The following SIRPG variants were observed in gnomAD, a reference collection of about 807,000 sequenced individuals.
SIRPG encodes signal-regulatory protein gamma.
SIRPG carries 38 observed loss-of-function variants against 35.7 expected under a neutral mutation model. The ratio of observed to expected loss-of-function variants is 1.06; its 90% CI spans 0.82 to 1.40. The LOEUF (loss-of-function observed/expected upper bound fraction) is 1.40, where lower values mean the gene tolerates loss of function less well. Ranked by LOEUF, SIRPG falls within the 40% of genes most tolerant of loss-of-function variation. The pLI, the probability that SIRPG is intolerant of heterozygous loss-of-function variation, is 0.00. For missense variants in SIRPG, 519 were observed against 483.0 expected (o/e 1.07, Z -0.70); for synonymous variants, 215 against 190.4 (o/e 1.13, Z -1.06).
the SIRPG span, among the ~76,000 whole-genome samples, chr20:1,679,419 A>G: frequency 3.9e-5 from 6 of 152,108 alleles, no homozygotes; most frequent in Non-Finnish European, 8.8e-5. Flanking sequence ...CTCTGCTGTG[A>G]CCTAGTAGAG....
At chr20:1,668,552 G>A in the SIRPG span, among the ~76,000 whole-genome samples, 2 of 152,102 alleles carry the variant, frequency 1.3e-5, no homozygotes, top group Non-Finnish European at 2.9e-5. Flanking sequence ...AAAGTGTTGG[G>A]ATTACAGGCG....
the SIRPG span, among the ~76,000 whole-genome samples, chr20:1,678,141 G>C: frequency 6.6e-6 from 1 of 152,036 alleles, no homozygotes; most frequent in East Asian, 1.9e-4. Flanking sequence ...TTTTCTCATA[G>C]TTACGTCTTC....
At position 1,635,402 on chromosome 20, in the gene SIRPG, C is replaced by T; in HGVS notation, c.946G>A (p.Val316Met). 2 of 1,614,162 alleles carry T rather than the reference C, an allele frequency of 1.2e-6. No individual in the cohort carries two copies. Residue 316 changes from valine (V) to methionine (M), a missense_variant, in exon 4 of 6, where the codon GTG (valine) becomes ATG (methionine). Transcript: ENST00000303415. The stretch of plus-strand genomic sequence containing the variant: ...TCATCCCTTTGGTCAGATATGTTCA[C>T]CAGGAACCAGCTTGTCCAGTTGTAG... ...GTYNWTSWFL[V>M]NISDQRDDVV...
Position 1,651,249 on chromosome 20 carries a change from A to T in SIRPG, c.74-1841T>A, listed in dbSNP as rs1172821927. On this transcript the variant is annotated intron_variant, in intron 1 of 5. Coordinates refer to ENST00000303415, the MANE Select transcript of SIRPG (RefSeq NM_018556.4). ...CTGATACCTCCACATCCCACAAACA[A>T]GTTGTGAGCACCCTGCCAAACCAGG... The T allele has an allele frequency of 3.3e-5, 5 of 152,226 alleles. No individual in the cohort carries two copies. In the East Asian group the frequency reaches 9.6e-4, roughly 29 times the overall value. The allele number at this position is 152,226 out of a possible 1,614,324, so 9.4% of individuals were successfully genotyped here.
chr20:1,635,169 T>C, intron 4 of SIRPG, 98 bp downstream of exon 4: 1 of 995,782 alleles, frequency 1.0e-6, no homozygotes, highest in Non-Finnish European at 1.4e-6. Flanking sequence ...AAATTTTACT[T>C]TGTATTTATA....
intron 4 of SIRPG, among the ~76,000 whole-genome samples, chr20:1,634,101 T>C (rs2091771764): frequency 6.6e-6 from 1 of 152,082 alleles, no homozygotes; most frequent in Admixed American, 6.5e-5. Context: ...AATTTGCACT[T>C]AGTAAATTTG....
upstream of SIRPG, among the ~76,000 whole-genome samples, chr20:1,659,349 T>A (rs115769547): frequency 6.0e-3 from 908 of 152,344 alleles, 9 homozygotes; most frequent in African/African-American, 0.018. Context: ...AAGTCCTGTT[T>A]TAATGTGGCA....
chr20:1,649,564 A>G (rs2091924080), intron 1 of SIRPG, among the ~76,000 whole-genome samples, 156 bp from the exon 2 acceptor site: 1 of 151,524 alleles, frequency 6.6e-6, no homozygotes. Flanking sequence ...TAACCCTCAC[A>G]ACATGCCTAT....
intron 2 of SIRPG, among the ~76,000 whole-genome samples, chr20:1,642,826 G>A (rs552265143): frequency 1.3e-5 from 2 of 152,264 alleles, no homozygotes; most frequent in South Asian, 4.1e-4. Flanking sequence ...CTTCACATAT[G>A]AAGCTTAGTT....
At chr20:1,672,093 A>G in the SIRPG span, among the ~76,000 whole-genome samples, 1 of 152,234 alleles carries the variant, frequency 6.6e-6, no homozygotes, top group Non-Finnish European at 1.5e-5. Context: ...TGAGAGCTGG[A>G]ACCAGGCCGC....
chr20:1,651,367 C>T (rs550462526), intron 1 of SIRPG: 2 of 152,258 alleles, frequency 1.3e-5, no homozygotes, highest in Non-Finnish European at 2.9e-5. Flanking sequence ...CTAGTAAAAC[C>T]CATCATGCTT....
chr20:1,668,321 C>A, the SIRPG span, among the ~76,000 whole-genome samples: 4 of 149,852 alleles, frequency 2.7e-5, no homozygotes, highest in Non-Finnish European at 5.9e-5. Flanking sequence ...CTTGCTCTGT[C>A]GCCCAGGCTG....
chr20:1,636,586 C>A, intron 2 of SIRPG, 81 bp from the exon 3 acceptor site: 1 of 1,369,934 alleles, frequency 7.3e-7, no homozygotes, highest in Non-Finnish European at 1.0e-6. Flanking sequence ...TGTTAAGAAC[C>A]TTCAGATACA....
chr20:1,675,083 C>T, the SIRPG span, among the ~76,000 whole-genome samples: 13 of 152,276 alleles, frequency 8.5e-5, no homozygotes, highest in Middle Eastern at 3.4e-3. Context: ...CCTGGGTGCC[C>T]GGGCCCAGAT....
upstream of SIRPG, among the ~76,000 whole-genome samples, chr20:1,662,589 A>T (rs2091999024): frequency 6.6e-6 from 1 of 152,246 alleles, no homozygotes; most frequent in South Asian, 2.1e-4. Context: ...TTTGAATTAC[A>T]GTATACTAAA....
chr20:1,678,735 C>A, the SIRPG span, among the ~76,000 whole-genome samples: 1 of 152,060 alleles, frequency 6.6e-6, no homozygotes, highest in South Asian at 2.1e-4. Flanking sequence ...GCCAAGGAAA[C>A]CCAAATTTAA....
At chr20:1,658,147 A>T (rs2091985775), upstream of SIRPG, among the ~76,000 whole-genome samples, 1 of 152,202 alleles carries the variant, frequency 6.6e-6, no homozygotes, top group Non-Finnish European at 1.5e-5. Flanking sequence ...AGCCTCAACC[A>T]AATGCCACTC....
At chr20:1,680,599 G>A in the SIRPG span, among the ~76,000 whole-genome samples, 21,665 of 152,164 alleles carry the variant, frequency 0.14, 2,548 homozygotes, top group East Asian at 0.58. Flanking sequence ...ATAGTAGAAG[G>A]ATAATACACC....
chr20:1,657,792 C>T, upstream of SIRPG: 1 of 1,303,554 alleles, frequency 7.7e-7, no homozygotes, highest in East Asian at 2.3e-5. Flanking sequence ...AGACAGAAGA[C>T]AAGCCCTGCC....
Sources: gnomAD v4.1 joint callset for allele counts (sites outside exome capture counted in the v4.1 genomes callset) on GRCh38, gnomAD v4.1.1 for gene constraint, MANE v1.5 for transcripts, NCBI Gene and HGNC (gene_info 2026-07-23, HGNC 2026-07-21) for gene names.